The following TRAF3IP1 variants were observed in gnomAD, a reference collection of about 807,000 sequenced individuals.
TRAF3IP1 encodes TRAF3-interacting protein 1.
Under a neutral mutation model 89.9 loss-of-function variants are expected in TRAF3IP1, and 53 were observed. The observed-to-expected ratio is 0.59, with a 90% confidence interval of 0.47 to 0.74. The LOEUF is 0.74. Ranked by LOEUF, TRAF3IP1 falls within the 30% of genes least tolerant of loss-of-function variation. The probability of loss-of-function intolerance (pLI) is 0.00; values close to 1 mark genes in which losing one functional copy is unlikely to be tolerated. For synonymous variants in TRAF3IP1, 311 were observed against 322.1 expected (o/e 0.97, Z 0.37); for missense variants, 806 against 866.1 (o/e 0.93, Z 0.87).
intron 8 of TRAF3IP1, among the ~76,000 whole-genome samples, chr2:238,343,434 A>G (rs1698748767): frequency 6.6e-6 from 1 of 150,782 alleles, no homozygotes; most frequent in Non-Finnish European, 1.5e-5. Context: ...CAGGCTGGAG[A>G]GTGGTGGCAT....
intron 15 of TRAF3IP1, among the ~76,000 whole-genome samples, chr2:238,395,784 A>G (rs1211826508): frequency 6.6e-6 from 1 of 152,270 alleles, no homozygotes; most frequent in Non-Finnish European, 1.5e-5. Context: ...AAAAATGCTT[A>G]TCATCACTGG....
At position 238,341,655 on chromosome 2, in the gene TRAF3IP1, G is replaced by A. The variant is rs561768811; in HGVS notation, c.1160-2842G>A. ...TTTCAATTGTATTTATGGGCCGTAC[G>A]TCTGATTAGTTTCAATAACAGTGAC... On this transcript the variant is annotated intron_variant, in intron 8 of 16. Coordinates refer to ENST00000373327, the MANE Select transcript of TRAF3IP1 (RefSeq NM_015650.4). Among the ~76,000 whole-genome samples, 148 of 151,960 alleles carry A rather than the reference G, an allele frequency of 9.7e-4. 1 individual carries two copies. Among genetic ancestry groups the A allele is most frequent in the African/African-American group, 3.4e-3 (141 of 41,390 alleles).
chr2:238,363,657 G>A (rs1181662011), intron 15 of TRAF3IP1, among the ~76,000 whole-genome samples: 1 of 152,108 alleles, frequency 6.6e-6, no homozygotes, highest in Admixed American at 6.5e-5. Context: ...TCACAGAGAG[G>A]CAAATGTAAG....
intron 12 of TRAF3IP1, among the ~76,000 whole-genome samples, chr2:238,349,729 A>C (rs867491890): frequency 1.3e-5 from 2 of 152,220 alleles, no homozygotes; most frequent in South Asian, 4.1e-4. Flanking sequence ...AGGGGAAAAA[A>C]ATTAGGGGCT....
In TRAF3IP1 at chr2:238,349,305, T is replaced by G; in HGVS notation, c.1368-20T>G. The G allele has an allele frequency of 6.2e-7, 1 of 1,613,372 alleles. No individual in the cohort carries two copies. The highest frequency in any genetic ancestry group is 1.1e-5 in the South Asian group (1 of 90,948). ...AAGCCTTTCATACTCCTTTTTTGGT[T>G]TTCCAATATTTGGGTTTAGAAGAAT... On this transcript the variant is annotated intron_variant, in intron 11 of 16. Transcript: ENST00000373327.
At chr2:238,374,620 G>A (rs573982970) in intron 15 of TRAF3IP1, among the ~76,000 whole-genome samples, 156 of 152,276 alleles carry the variant, frequency 1.0e-3, no homozygotes, top group Middle Eastern at 3.4e-3. Flanking sequence ...CCAGACTTTG[G>A]TATCAGGATG....
At chr2:238,392,171 G>GT (rs1701019978) in intron 15 of TRAF3IP1, among the ~76,000 whole-genome samples, 1 of 152,102 alleles carries the variant, frequency 6.6e-6, no homozygotes, top group Non-Finnish European at 1.5e-5. Flanking sequence ...AGGAGTTTGC[G>GT]TTCAGCCTGG....
At position 238,400,564 on chromosome 2, in the gene TRAF3IP1, T is replaced by C. The variant is rs1340738080; in HGVS notation, c.*1645T>C. ...GAAACGCTGGTCTTTTTCTCCTTCC[T>C]ATAGTGCACCATAAAATTCTGTTTG... On this transcript the variant is annotated 3_prime_UTR_variant, in exon 17 of 17. Coordinates refer to ENST00000373327, the MANE Select transcript of TRAF3IP1 (RefSeq NM_015650.4). 7.9e-5 allele frequency: 12 copies of C among 152,238 alleles called. No individual in the cohort carries two copies. The highest frequency in any genetic ancestry group is 7.9e-4 in the Admixed American group (12 of 15,286). 9.4% of individuals were successfully genotyped at this position (152,238 alleles called of 1,614,324 possible).
At chr2:238,323,222 G>GC (rs1203059435) in intron 1 of TRAF3IP1, among the ~76,000 whole-genome samples, 1 of 152,128 alleles carries the variant, frequency 6.6e-6, no homozygotes. Flanking sequence ...GGGACTGCAG[G>GC]CACATGCCAC....
rs1700457794 is a variant in TRAF3IP1 at position 238,379,492 on chromosome 2, C to T, written c.1690-17967C>T. ...TGTGAAGGCGGCAGCGTGGTGCCAT[C>T]ACTTGGGTATTTGGAACTTGACCAT... On this transcript the variant is annotated intron_variant, in intron 15 of 16. Coordinates refer to ENST00000373327, the MANE Select transcript of TRAF3IP1 (RefSeq NM_015650.4). The surrounding 1 kb of genome is among the most constrained non-coding windows in gnomAD (Gnocchi z 4.0). 6.6e-6 allele frequency among the ~76,000 whole-genome samples: 1 copy of T among 152,230 alleles called. No homozygotes were observed. The highest frequency in any genetic ancestry group is 1.5e-5 in the Non-Finnish European group (1 of 68,040).
chr2:238,329,303 C>T lies in TRAF3IP1; in HGVS notation c.876C>T (p.Asp292=), dbSNP rs1362270267. The T allele has an allele frequency of 2.8e-6, 4 of 1,446,070 alleles. No individual in the cohort carries two copies. Among genetic ancestry groups the T allele is most frequent in the Non-Finnish European group, 3.6e-6 (4 of 1,096,420 alleles). 89.6% of individuals were successfully genotyped at this position (1,446,070 alleles called of 1,614,324 possible). Residue 292 remains aspartate, a synonymous_variant, in exon 5 of 17, where the codon GAC becomes GAT. Coordinates refer to ENST00000373327, the MANE Select transcript of TRAF3IP1 (RefSeq NM_015650.4). ...VKNGEHSWDL[D]REKNREHDKP... ...ACGGGGAGCACTCCTGGGACCTGGA[C>T]AGGGAGAAGAACAGAGAGCATGACA...
chr2:238,341,186 AATTT>A (rs1698634788), intron 8 of TRAF3IP1, among the ~76,000 whole-genome samples: 1 of 104,130 alleles, frequency 9.6e-6, no homozygotes, highest in Admixed American at 8.3e-5. Flanking sequence ...ATGCCTAGCT[AATTT>A]TTTTTTTTTT....
Position 238,352,968 on chromosome 2 carries a change from T to G in TRAF3IP1, c.1575+18T>G. The G allele has an allele frequency of 6.3e-7, 1 of 1,599,060 alleles. No homozygotes were observed. The highest frequency in any genetic ancestry group is 8.5e-7 in the Non-Finnish European group (1 of 1,174,502). ...TTGAAATGGTTAGTTAACCGAAATA[T>G]GATGTTTTTTAATAATAATGTTTTA... On this transcript the variant is annotated intron_variant, in intron 13 of 16. Coordinates refer to ENST00000373327, the MANE Select transcript of TRAF3IP1 (RefSeq NM_015650.4).
intron 15 of TRAF3IP1, among the ~76,000 whole-genome samples, chr2:238,359,709 C>T (rs1699578379): frequency 1.3e-5 from 2 of 152,116 alleles, no homozygotes; most frequent in South Asian, 2.1e-4. Flanking sequence ...TTTGTTTTGA[C>T]AGATACTTTC....
At chr2:238,340,862 GAGAGAC>G (rs560453088) in intron 8 of TRAF3IP1, among the ~76,000 whole-genome samples, 62 of 150,032 alleles carry the variant, frequency 4.1e-4, no homozygotes, top group South Asian at 4.0e-3. Context: ...GAGAGAGACA[GAGAGAC>G]AGAGACAGAG....
At chr2:238,339,164 T>C (rs1019774958) in intron 8 of TRAF3IP1, among the ~76,000 whole-genome samples, 8 of 152,194 alleles carry the variant, frequency 5.3e-5, no homozygotes, top group Admixed American at 2.6e-4. Flanking sequence ...CATCCTTCTC[T>C]CTCTGTGTGC....
intron 15 of TRAF3IP1, among the ~76,000 whole-genome samples, chr2:238,384,051 G>A (rs985751428): frequency 2.0e-5 from 3 of 152,086 alleles, no homozygotes; most frequent in Admixed American, 6.6e-5. Flanking sequence ...CTCTGATTCA[G>A]CTGTGGTCTT....
Position 238,329,015 on chromosome 2 carries a change from A to T in TRAF3IP1, c.588A>T (p.Glu196Asp). ...TGAAAGAAGACCGCAAGCCAAGAGA[A>T]AAGGACAAGGACAAGGAGAAGGCCA... ...EELKEDRKPR[E>D]KDKDKEKAKE... Residue 196 changes from glutamate (E) to aspartate (D), a missense_variant, in exon 5 of 17, where the codon GAA (glutamate) becomes GAT (aspartate). Physicochemically the swap from Glu to Asp is conservative, Grantham distance 45 (BLOSUM62 2). Transcript: ENST00000373327. The T allele has an allele frequency of 6.4e-7, 1 of 1,551,884 alleles. No individual in the cohort carries two copies. The highest frequency in any genetic ancestry group is 8.7e-7 in the Non-Finnish European group (1 of 1,147,122).
At chr2:238,359,047 A>G (rs1358932878) in intron 15 of TRAF3IP1, among the ~76,000 whole-genome samples, 1 of 152,236 alleles carries the variant, frequency 6.6e-6, no homozygotes, top group African/African-American at 2.4e-5. Flanking sequence ...GTAAATGAGC[A>G]TGTGTGGCTG....
Sources: gnomAD v4.1 joint callset for allele counts (sites outside exome capture counted in the v4.1 genomes callset) on GRCh38, gnomAD v4.1.1 for gene constraint, Gnocchi (gnomAD v3.1) non-coding constraint, MANE v1.5 for transcripts, NCBI Gene and HGNC (gene_info 2026-07-23, HGNC 2026-07-21) for gene names.